Variants in CARHSP1 observed in about 807,000 individuals in gnomAD.
The protein encoded by CARHSP1 is calcium regulated heat stable protein 1.
In CARHSP1, 14 loss-of-function variants were observed where a neutral mutation model predicts 12.5. The ratio of observed to expected loss-of-function variants is 1.12; its 90% CI spans 0.74 to 1.75. The LOEUF is 1.75. Ranked by LOEUF, CARHSP1 falls within the 40% of genes most tolerant of loss-of-function variation. The probability of loss-of-function intolerance (pLI) is 0.00; values close to 1 mark genes in which losing one functional copy is unlikely to be tolerated. For synonymous variants in CARHSP1, 161 were observed against 82.0 expected (o/e 1.96, Z -5.20); for missense variants, 343 against 201.6 (o/e 1.70, Z -4.25).
chr16:8,855,303 A>C lies in CARHSP1; in HGVS notation c.305T>G (p.Val102Gly), dbSNP rs561939972. 6 of 1,606,800 alleles carry C rather than the reference A, an allele frequency of 3.7e-6. No homozygotes were observed. In the Admixed American group the frequency reaches 6.7e-5, roughly 18 times the overall value. The part of the protein sequence containing the change: ...ISDVEGEYVP[V>G]EGDEVTYKMC... ...TTTATAGGTGACCTCGTCGCCTTCC[A>C]CTGGGACATACTCCCCTTCCACACT... Residue 102 changes from valine to glycine, a missense_variant, in exon 4 of 4, where the codon GTG becomes GGG. Physicochemically the swap from Val to Gly is moderately radical, Grantham distance 109 (BLOSUM62 -3). Transcript: ENST00000311052.
chr16:8,861,604 T>A (rs1207463151), intron 1 of CARHSP1: 3 of 1,288,546 alleles, frequency 2.3e-6, no homozygotes, highest in African/African-American at 1.5e-5. Flanking sequence ...CCGTTGGGCC[T>A]CAGTTCTGTC....
intron 1 of CARHSP1, among the ~76,000 whole-genome samples, chr16:8,861,299 ATGAACCACCATGCCCGGCC>A (rs1308105529): frequency 6.7e-6 from 1 of 148,482 alleles, no homozygotes; most frequent in Admixed American, 6.8e-5. Flanking sequence ...GATTACAGGC[ATGAACCACCATGCCCGGCC>A]TGAACTATCT....
chr16:8,864,295 G>A (rs1343834330), intron 1 of CARHSP1, among the ~76,000 whole-genome samples: 1 of 151,774 alleles, frequency 6.6e-6, no homozygotes, highest in Non-Finnish European at 1.5e-5. Flanking sequence ...CGTCCATGGA[G>A]CGGGGAGCCT....
chr16:8,859,134 C>A, intron 2 of CARHSP1, 37 bp downstream of exon 2: 1 of 1,539,950 alleles, frequency 6.5e-7, no homozygotes, highest in East Asian at 2.3e-5. Context: ...GCAAGAGATC[C>A]ATCTGAGAAC....
At chr16:8,863,893 T>A (rs2061411943) in intron 1 of CARHSP1, among the ~76,000 whole-genome samples, 2 of 152,054 alleles carry the variant, frequency 1.3e-5, no homozygotes, top group South Asian at 4.1e-4. Context: ...ACCAGCACAG[T>A]CCCAGCTTCC....
chr16:8,858,834 T>G (rs1162544709), intron 2 of CARHSP1: 1 of 404,858 alleles, frequency 2.5e-6, no homozygotes, highest in Non-Finnish European at 4.4e-6. Context: ...ATGTGGGTCC[T>G]TTGCAGCCCT....
In CARHSP1 at chr16:8,855,234, T is replaced by G. The variant is rs138038827; in HGVS notation, c.374A>C (p.Glu125Ala). 1.9e-6 allele frequency: 3 copies of G among 1,613,284 alleles called. No individual in the cohort carries two copies. Among genetic ancestry groups the G allele is most frequent in the African/African-American group, 2.7e-5 (2 of 74,894 alleles). ...TGGTGCCAGGTGAGTGATGACGACC[T>G]CCACGGCCTGCAGCTTCTCATTCTT... The part of the protein sequence containing the change: ...PPKNEKLQAV[E>A]VVITHLAPGT... Residue 125 changes from glutamate to alanine, a missense_variant, in exon 4 of 4, where the codon GAG becomes GCG. By Grantham distance (107) the Glu-to-Ala change is moderately radical (BLOSUM62 -1). Coordinates refer to ENST00000311052, the MANE Select transcript of CARHSP1 (RefSeq NM_014316.4).
Position 8,858,389 on chromosome 16 carries a change from G to A in CARHSP1, c.242C>T (p.Pro81Leu), listed in dbSNP as rs2061222050. The change falls in exon 3 of 4, where the codon CCA becomes CTA. Residue 81 changes from proline (P) to leucine (L), a missense_variant. By Grantham distance (98) the Pro-to-Leu change is moderately conservative. Transcript: ENST00000311052. ...GAAGATGTCGGGGCCGCCATCAGCT[G>A]GAGTAATGAAGCCATGGCCCTTGGA... ...CRSKGHGFIT[P>L]ADGGPDIFLH... 1 of 1,614,094 alleles carries A rather than the reference G, an allele frequency of 6.2e-7. No individual in the cohort carries two copies. Among genetic ancestry groups the A allele is most frequent in the Non-Finnish European group, 8.5e-7 (1 of 1,180,034 alleles).
At chr16:8,859,530 C>T (rs533018975) in intron 1 of CARHSP1, among the ~76,000 whole-genome samples, 195 bp from the exon 2 acceptor site, 43 of 151,958 alleles carry the variant, frequency 2.8e-4, no homozygotes, top group Non-Finnish European at 1.3e-4. Flanking sequence ...AACCGTGGGG[C>T]CCCCTCGATC....
intron 1 of CARHSP1, chr16:8,859,988 C>G (rs1952494455): frequency 4.0e-6 from 1 of 246,952 alleles, no homozygotes; most frequent in South Asian, 1.5e-4. Flanking sequence ...AAAAAGAAAA[C>G]CCAAAGCCAG....
intron 3 of CARHSP1, among the ~76,000 whole-genome samples, chr16:8,855,679 G>C (rs927162013): frequency 3.3e-5 from 5 of 150,706 alleles, no homozygotes; most frequent in Admixed American, 2.7e-4. Flanking sequence ...CAGAGAGCCA[G>C]AGAGAAACAA....
At chr16:8,858,960 C>G (rs1265142682) in intron 2 of CARHSP1, 7 of 484,126 alleles carry the variant, frequency 1.4e-5, no homozygotes, top group South Asian at 4.1e-5. Flanking sequence ...ATTGCCACTC[C>G]CAGCTGGTAA....
intron 1 of CARHSP1, chr16:8,861,927 G>T (rs955483338): frequency 1.4e-5 from 7 of 517,436 alleles, no homozygotes; most frequent in African/African-American, 1.3e-4. Flanking sequence ...TAGAGACACT[G>T]CCCTGCCTTG....
chr16:8,858,289 C>G, intron 3 of CARHSP1, 61 bp downstream of exon 3: 1 of 1,582,690 alleles, frequency 6.3e-7, no homozygotes, highest in Non-Finnish European at 8.6e-7. Flanking sequence ...CCATCCCCAC[C>G]TCCACAGGGC....
intron 3 of CARHSP1, among the ~76,000 whole-genome samples, chr16:8,856,048 AG>A (rs1184697523): frequency 6.6e-6 from 1 of 152,174 alleles, no homozygotes; most frequent in Non-Finnish European, 1.5e-5. Flanking sequence ...ACCTTAAGTG[AG>A]CCACCTGCCT....
intron 1 of CARHSP1, among the ~76,000 whole-genome samples, chr16:8,865,003 C>T (rs78297536): frequency 0.045 from 6,904 of 152,272 alleles, 232 homozygotes; most frequent in Middle Eastern, 0.14. Flanking sequence ...ACCCACCACC[C>T]ACATCAATGG....
intron 1 of CARHSP1, among the ~76,000 whole-genome samples, chr16:8,863,079 C>A (rs567584568): frequency 6.9e-6 from 1 of 145,008 alleles, no homozygotes. Flanking sequence ...AGAGCAGGGT[C>A]TCCAGACGGT....
intron 3 of CARHSP1, among the ~76,000 whole-genome samples, chr16:8,855,833 C>CT (rs536993729): frequency 3.9e-5 from 6 of 152,196 alleles, no homozygotes; most frequent in South Asian, 2.1e-4. Context: ...CCCAGCCTGC[C>CT]TTTTTTTGAG....
intron 1 of CARHSP1, chr16:8,860,189 A>T: frequency 1.0e-6 from 1 of 985,436 alleles, no homozygotes; most frequent in Non-Finnish European, 1.2e-6. Flanking sequence ...AGCAGCTGTC[A>T]CAAGCCTGCA....
Sources: allele counts gnomAD v4.1 joint callset (sites outside exome capture counted in the v4.1 genomes callset), GRCh38; gene constraint gnomAD v4.1.1; transcripts MANE v1.5; gene names NCBI Gene and HGNC (gene_info 2026-07-23, HGNC 2026-07-21).